The following UNC5D variants were observed in gnomAD, a reference collection of about 807,000 sequenced individuals.
The protein encoded by UNC5D is unc-5 netrin receptor D.
A neutral mutation model predicts 105.4 loss-of-function variants in UNC5D; 39 were observed. The observed-to-expected ratio is 0.37, with a 90% CI of 0.29 to 0.48. UNC5D has a LOEUF of 0.48. UNC5D is among the 20% of genes least tolerant of loss of function. UNC5D has a pLI of 0.98. For synonymous variants in UNC5D, 452 were observed against 450.4 expected (o/e 1.00, Z -0.04); for missense variants, 991 against 1,202.4 (o/e 0.82, Z 2.60).
At chr8:35,541,209 G>T (rs1234664455) in intron 1 of UNC5D, among the ~76,000 whole-genome samples, 1 of 152,176 alleles carries the variant, frequency 6.6e-6, no homozygotes, top group Non-Finnish European at 1.5e-5. Flanking sequence ...AAAGGAAAGT[G>T]ACGTTTAGAA....
chr8:35,570,016 C>A (rs1354625050), intron 3 of UNC5D, among the ~76,000 whole-genome samples: 1 of 152,182 alleles, frequency 6.6e-6, no homozygotes, highest in Admixed American at 6.5e-5. Context: ...TCACTTAATT[C>A]TTCATTGCGA....
chr8:35,336,489 G>A (rs747193753), intron 1 of UNC5D, among the ~76,000 whole-genome samples: 3 of 152,130 alleles, frequency 2.0e-5, no homozygotes, highest in Non-Finnish European at 2.9e-5. Flanking sequence ...TTAAAAGTGC[G>A]TTTGTGCTTT....
chr8:35,683,652 T>G lies in UNC5D; in HGVS notation c.676T>G (p.Ser226Ala), dbSNP rs1231644296. The G allele has an allele frequency of 2.5e-6, 4 of 1,577,174 alleles. No individual in the cohort carries two copies. Among genetic ancestry groups the G allele is most frequent in the Non-Finnish European group, 3.4e-6 (4 of 1,167,564 alleles). Residue 226 changes from serine (S) to alanine (A), a missense_variant, in exon 5 of 17, where the codon TCA (serine) becomes GCA (alanine). Around this residue, in one of 3 missense-constraint regions of UNC5D, gnomAD observed 944 missense variants for 1,131.6 expected, o/e 0.83. Transcript: ENST00000404895. ...CATCAGGCAGGCACGGCTCTCGGAC[T>G]CAGGAAATTACACCTGCATGGCAGC... ...LIIRQARLSD[S>A]GNYTCMAANI...
intron 1 of UNC5D, among the ~76,000 whole-genome samples, chr8:35,383,364 G>C (rs1452907273): frequency 6.6e-6 from 1 of 152,152 alleles, no homozygotes; most frequent in Non-Finnish European, 1.5e-5. Flanking sequence ...ATAGTAATTA[G>C]ATCATGCCCT....
intron 1 of UNC5D, among the ~76,000 whole-genome samples, chr8:35,528,065 CT>C (rs1308962736): frequency 1.1e-5 from 1 of 93,852 alleles, no homozygotes; most frequent in Non-Finnish European, 2.1e-5. Context: ...TTTTTTTATA[CT>C]TTAAGTTTTA....
chr8:35,451,639 T>C (rs1808159120), intron 1 of UNC5D, among the ~76,000 whole-genome samples: 1 of 152,170 alleles, frequency 6.6e-6, no homozygotes, highest in African/African-American at 2.4e-5. Flanking sequence ...ATATGCTGTG[T>C]TTATCTCTTG....
intron 1 of UNC5D, among the ~76,000 whole-genome samples, chr8:35,273,394 C>T (rs768860885): frequency 3.8e-4 from 58 of 152,204 alleles, no homozygotes; most frequent in Non-Finnish European, 6.2e-4. Flanking sequence ...AGTCAGTAGG[C>T]GTAATTTAAG....
At chr8:35,477,227 T>C (rs894262803) in intron 1 of UNC5D, among the ~76,000 whole-genome samples, 1 of 152,226 alleles carries the variant, frequency 6.6e-6, no homozygotes, top group Non-Finnish European at 1.5e-5. Flanking sequence ...AGCCTTAGAA[T>C]GTAGCCCTTT....
intron 1 of UNC5D, among the ~76,000 whole-genome samples, chr8:35,542,299 A>C (rs1213655215): frequency 6.6e-6 from 1 of 152,252 alleles, no homozygotes; most frequent in African/African-American, 2.4e-5. Context: ...ATATGGAGAC[A>C]AGTCACATTT....
intron 3 of UNC5D, among the ~76,000 whole-genome samples, chr8:35,573,710 C>T (rs894371159): frequency 5.3e-5 from 8 of 152,208 alleles, no homozygotes; most frequent in African/African-American, 1.7e-4. Context: ...TTGTATTCCT[C>T]CTCATGGTCC....
chr8:35,686,473 C>A, intron 6 of UNC5D, 72 bp from the exon 7 acceptor site: 1 of 1,431,220 alleles, frequency 7.0e-7, no homozygotes, highest in Non-Finnish European at 9.2e-7. Flanking sequence ...AGAACAACAG[C>A]AGTCCTGGGG....
At chr8:35,590,955 T>A (rs1270350208) in intron 3 of UNC5D, among the ~76,000 whole-genome samples, 1 of 152,182 alleles carries the variant, frequency 6.6e-6, no homozygotes, top group Non-Finnish European at 1.5e-5. Context: ...TCTTCCCTGA[T>A]CCCTTAGATA....
At chr8:35,606,286 C>T (rs1820290668) in intron 4 of UNC5D, among the ~76,000 whole-genome samples, 2 of 152,076 alleles carry the variant, frequency 1.3e-5, no homozygotes, top group South Asian at 4.1e-4. Context: ...GCACCTGACC[C>T]AGTTTCCTTT....
intron 1 of UNC5D, among the ~76,000 whole-genome samples, chr8:35,248,340 A>G (rs1187731136): frequency 3.4e-5 from 4 of 117,218 alleles, no homozygotes; most frequent in African/African-American, 1.4e-4. Context: ...AATATATAAT[A>G]TATAAATATA....
intron 8 of UNC5D, among the ~76,000 whole-genome samples, chr8:35,718,335 C>T (rs1045949949): frequency 6.6e-6 from 1 of 152,138 alleles, no homozygotes; most frequent in African/African-American, 2.4e-5. Context: ...GGCTTTTGTT[C>T]AAAATCACTT....
At chr8:35,641,507 T>C (rs142624190) in intron 4 of UNC5D, among the ~76,000 whole-genome samples, 3 of 152,216 alleles carry the variant, frequency 2.0e-5, no homozygotes, top group African/African-American at 4.8e-5. Context: ...TATCTTTCTC[T>C]TGGTGAGAAT....
chr8:35,724,254 AGAATATCATG>A, intron 9 of UNC5D: 2 of 1,533,202 alleles, frequency 1.3e-6, no homozygotes, highest in Non-Finnish European at 1.7e-6. Context: ...TTTTTAGCCA[AGAATATCATG>A]GAACTAATGA....
chr8:35,642,204 T>A (rs887332001), intron 4 of UNC5D, among the ~76,000 whole-genome samples: 3 of 152,132 alleles, frequency 2.0e-5, no homozygotes, highest in African/African-American at 7.2e-5. Context: ...ACGATCAGAA[T>A]TAACTGGGGT....
intron 1 of UNC5D, among the ~76,000 whole-genome samples, chr8:35,299,225 T>C (rs1263604577): frequency 6.6e-6 from 1 of 152,138 alleles, no homozygotes; most frequent in Admixed American, 6.6e-5. Context: ...GGTGGGAGTG[T>C]GGAATTGCAA....
Sources: gnomAD v4.1 joint callset for allele counts (sites outside exome capture counted in the v4.1 genomes callset) on GRCh38, gnomAD v4.1.1 for gene constraint, gnomAD v4.1.1 regional missense constraint, MANE v1.5 for transcripts, NCBI Gene and HGNC (gene_info 2026-07-23, HGNC 2026-07-21) for gene names.